Variants in BAG1 observed in about 807,000 individuals in gnomAD.
BAG1 encodes BAG family molecular chaperone regulator 1.
A neutral mutation model predicts 35.5 loss-of-function variants in BAG1; 35 were observed. That is an observed-to-expected ratio of 0.99 (90% CI 0.75 to 1.31). The LOEUF is 1.31. Among genes scored for constraint, BAG1 ranks in the 50% most tolerant of loss-of-function variants. The probability of loss-of-function intolerance (pLI) is 0.00; values close to 1 mark genes in which losing one functional copy is unlikely to be tolerated. For missense variants in BAG1, 464 were observed against 453.6 expected, an observed-to-expected ratio of 1.02 and a Z score of -0.21; for synonymous variants, 191 against 178.9, an observed-to-expected ratio of 1.07 and a Z score of -0.54.
At chr9:33,262,902 C>T in intron 1 of BAG1, 72 bp from the exon 2 acceptor site, 1 of 1,572,500 alleles carries the variant, frequency 6.4e-7, no homozygotes, top group Non-Finnish European at 8.6e-7. Flanking sequence ...CACTTTATCA[C>T]ATTTATTTAC....
chr9:33,264,181 C>G (rs1466498299), intron 1 of BAG1, 43 bp downstream of exon 1: 31 of 1,544,518 alleles, frequency 2.0e-5, no homozygotes, highest in Non-Finnish European at 2.6e-5. Flanking sequence ...CCCCGCCGGG[C>G]TTTCGGGACC....
chr9:33,259,809 C>G, intron 3 of BAG1: 1 of 152,156 alleles, frequency 6.6e-6, no homozygotes, highest in East Asian at 1.9e-4. Flanking sequence ...TGGTTAACAA[C>G]GATGAATACT....
chr9:33,264,682 CTTG>C lies in BAG1; in HGVS notation c.-11_-9del. The C allele has an allele frequency of 7.4e-7, 1 of 1,359,098 alleles. No homozygotes were observed. Among genetic ancestry groups the C allele is most frequent in the Non-Finnish European group, 9.4e-7 (1 of 1,063,176 alleles). 84.2% of individuals were successfully genotyped at this position (1,359,098 alleles called of 1,614,324 possible). A position where few individuals can be genotyped will look rare whatever the true frequency, so the allele number is the denominator to read the frequency against. ...CCCCCCGCGCTGAGCCAGGCCCGCA[CTTG>C]TTGACCGCCCAGCGATGGAAGCTGA... On this transcript the variant is annotated 5_prime_UTR_variant, in exon 1 of 7. Transcript: ENST00000634734.
chr9:33,262,335 T>G, intron 2 of BAG1: 2 of 1,210,898 alleles, frequency 1.7e-6, no homozygotes, highest in Non-Finnish European at 2.1e-6. Context: ...AAACTGTCCT[T>G]TGGCCATAAG....
At chr9:33,256,371 C>A (rs1321418886) in intron 5 of BAG1, among the ~76,000 whole-genome samples, 1 of 152,188 alleles carries the variant, frequency 6.6e-6, no homozygotes, top group African/African-American at 2.4e-5. Context: ...CTATCATCTG[C>A]AAAAGAGTTA....
chr9:33,262,866 C>A (rs764566930), intron 1 of BAG1, 36 bp from the exon 2 acceptor site: 10 of 1,609,760 alleles, frequency 6.2e-6, no homozygotes, highest in Non-Finnish European at 8.5e-6. Flanking sequence ...GAATATGATT[C>A]TTTCACATAC....
chr9:33,262,838 G>T lies in BAG1; in HGVS notation c.452-8C>A. 6.2e-7 allele frequency: 1 copy of T among 1,609,728 alleles called. No homozygotes were observed. The highest frequency in any genetic ancestry group is 8.5e-7 in the Non-Finnish European group (1 of 1,178,674). Reference sequence around the variant, plus strand: ...GGTCGTGCTTCTCATTGCCTGGGGAGAAAGAAAAGCATTTGACGAATATGA... The same window carrying T: ...GGTCGTGCTTCTCATTGCCTGGGGATAAAGAAAAGCATTTGACGAATATGA... On this transcript the variant is annotated splice_polypyrimidine_tract_variant and splice_region_variant and intron_variant, in intron 1 of 6. Coordinates refer to ENST00000634734, the MANE Select transcript of BAG1 (RefSeq NM_004323.6).
intron 1 of BAG1, 60 bp from the exon 2 acceptor site, chr9:33,262,890 G>GAAA (rs1820608078): frequency 6.3e-7 from 1 of 1,592,488 alleles, no homozygotes; most frequent in African/African-American, 1.3e-5. Context: ...AATATAGGAT[G>GAAA]ACACTTTATC....
chr9:33,263,378 T>C (rs1181480848), intron 1 of BAG1, among the ~76,000 whole-genome samples: 1 of 152,234 alleles, frequency 6.6e-6, no homozygotes, highest in African/African-American at 2.4e-5. Context: ...AGTGCATCCA[T>C]GATTTGTGCT....
rs764075558 is a variant in BAG1 at position 33,264,542 on chromosome 9, C to CAGGTGGACGCCG, written c.132_133insCGGCGTCCACCT (p.Ser44_Gly45insArgArgProPro). On this transcript the variant is annotated inframe_insertion, in exon 1 of 7. Transcript: ENST00000634734. ...GCAGTACTCCGGGCAGGTGGACGCCCAGAGGGAGGCGGACCACGCTGGGCC... is the reference window on the plus strand; with the variant it reads ...GCAGTACTCCGGGCAGGTGGACGCCCAGGTGGACGCCGAGAGGGAGGCGGACCACGCTGGGCC... 1.9e-4 allele frequency: 286 copies of CAGGTGGACGCCG among 1,535,040 alleles called. No homozygotes were observed. The highest frequency in any genetic ancestry group is 2.3e-4 in the Non-Finnish European group (267 of 1,147,056).
In BAG1 at chr9:33,262,738, C is replaced by G. The variant is rs1564081772; in HGVS notation, c.544G>C (p.Gly182Arg). 1 of 1,614,146 alleles carries G rather than the reference C, an allele frequency of 6.2e-7. No individual in the cohort carries two copies. The change falls in exon 2 of 7, where the codon GGG becomes CGG. Residue 182 changes from glycine to arginine, a missense_variant. By Grantham distance (125) the Gly-to-Arg change is moderately radical. Transcript: ENST00000634734. ...AGTTTCTGAAAAGACTGTGGAACCC[C>G]TATGACCTCTTCAACAACCTGGGCC... is the stretch of plus-strand genomic sequence containing the variant.
At position 33,264,572 on chromosome 9, in the gene BAG1, G is replaced by A. The variant is rs780278103; in HGVS notation, c.103C>T (p.Pro35Ser). 6 of 1,419,362 alleles carry A rather than the reference G, an allele frequency of 4.2e-6. No homozygotes were observed. Among genetic ancestry groups the A allele is most frequent in the Non-Finnish European group, 4.6e-6 (5 of 1,095,884 alleles). 87.9% of individuals were successfully genotyped at this position (1,419,362 alleles called of 1,614,324 possible). A position where few individuals can be genotyped will look rare whatever the true frequency, so the allele number is the denominator to read the frequency against. Reference sequence around the variant, plus strand: ...GGAGGCGGACCACGCTGGGCCGGGGGCTCCGACTGGCGCGGCTCCCGGCCT... The same window carrying A: ...GGAGGCGGACCACGCTGGGCCGGGGACTCCGACTGGCGCGGCTCCCGGCCT... The change falls in exon 1 of 7, where the codon CCC becomes TCC. Residue 35 changes from proline to serine, a missense_variant. Transcript: ENST00000634734.
At position 33,262,743 on chromosome 9, in the gene BAG1, A is replaced by T. The variant is rs1293472756; in HGVS notation, c.539T>A (p.Val180Asp). ...CTGAAAAGACTGTGGAACCCCTATG[A>T]CCTCTTCAACAACCTGGGCCAGGTC... The change falls in exon 2 of 7, where the codon GTC (valine) becomes GAC (aspartate). Residue 180 changes from valine to aspartate, a missense_variant. By Grantham distance (152) the Val-to-Asp change is radical. Coordinates refer to ENST00000634734, the MANE Select transcript of BAG1 (RefSeq NM_004323.6). 6.2e-7 allele frequency: 1 copy of T among 1,614,014 alleles called. No individual in the cohort carries two copies. The highest frequency in any genetic ancestry group is 8.5e-7 in the Non-Finnish European group (1 of 1,179,978).
intron 2 of BAG1, chr9:33,261,860 T>C: frequency 3.0e-6 from 3 of 984,106 alleles, no homozygotes; most frequent in Non-Finnish European, 3.6e-6. Flanking sequence ...GAAATGAGCA[T>C]CATGCATCCA....
At position 33,264,541 on chromosome 9, in the gene BAG1, C is replaced by CGGG. The variant is rs762678657; in HGVS notation, c.133_134insCCC (p.Gly45delinsAlaArg). 1.9e-4 allele frequency: 286 copies of CGGG among 1,541,948 alleles called. No individual in the cohort carries two copies. Among genetic ancestry groups the CGGG allele is most frequent in the Non-Finnish European group, 2.3e-4 (267 of 1,149,790 alleles). On this transcript the variant is annotated protein_altering_variant, in exon 1 of 7. Coordinates refer to ENST00000634734, the MANE Select transcript of BAG1 (RefSeq NM_004323.6). Reference sequence around the variant, plus strand: ...GGCAGTACTCCGGGCAGGTGGACGCCCAGAGGGAGGCGGACCACGCTGGGC... The same window carrying CGGG: ...GGCAGTACTCCGGGCAGGTGGACGCCGGGCAGAGGGAGGCGGACCACGCTGGGC...
Position 33,262,695 on chromosome 9 carries a change from T to A in BAG1, c.580+7A>T. ...AGAAAAAGAAAGAAAGAAAAAGAAA[T>A]GCTTACCCTTAAATATGAGTTTCTG... On this transcript the variant is annotated splice_region_variant and intron_variant, in intron 2 of 6. Coordinates refer to ENST00000634734, the MANE Select transcript of BAG1 (RefSeq NM_004323.6). 22 of 1,568,462 alleles carry A rather than the reference T, an allele frequency of 1.4e-5. No individual in the cohort carries two copies. Among genetic ancestry groups the A allele is most frequent in the Non-Finnish European group, 1.9e-5 (22 of 1,165,356 alleles).
At chr9:33,258,844 A>G in intron 4 of BAG1, 76 bp downstream of exon 4, 4 of 1,228,974 alleles carry the variant, frequency 3.3e-6, no homozygotes, top group Admixed American at 3.5e-5. Flanking sequence ...ACTGCAGAAC[A>G]TGTCCCCATA....
In BAG1 at chr9:33,258,993, T is replaced by C. The variant is rs760724367; in HGVS notation, c.704A>G (p.His235Arg). 1.2e-6 allele frequency: 2 copies of C among 1,614,216 alleles called. No homozygotes were observed. Among genetic ancestry groups the C allele is most frequent in the South Asian group, 1.1e-5 (1 of 91,084 alleles). ...TATCTTCTCCACAGACTTCTCCAAATGTTTCAACTTCTTTAGTTCAACCTC... is the reference window on the plus strand; with the variant it reads ...TATCTTCTCCACAGACTTCTCCAAACGTTTCAACTTCTTTAGTTCAACCTC... The change falls in exon 4 of 7, where the codon CAT becomes CGT. Residue 235 changes from histidine (H) to arginine (R), a missense_variant. Transcript: ENST00000634734.
rs754920206 is a variant in BAG1 at position 33,264,204 on chromosome 9, A to C, written c.451+20T>G. ...GGCTTTCGGGACCTGCATGGAGCCC[A>C]CCTGGCGCCCGACACTCACTGTGGG... On this transcript the variant is annotated intron_variant, in intron 1 of 6. Coordinates refer to ENST00000634734, the MANE Select transcript of BAG1 (RefSeq NM_004323.6). The C allele has an allele frequency of 4.4e-6, 7 of 1,581,082 alleles. No homozygotes were observed. Among genetic ancestry groups the C allele is most frequent in the Non-Finnish European group, 5.1e-6 (6 of 1,165,818 alleles).
Sources: allele counts gnomAD v4.1 joint callset (sites outside exome capture counted in the v4.1 genomes callset), GRCh38; gene constraint gnomAD v4.1.1; transcripts MANE v1.5; gene names NCBI Gene and HGNC (gene_info 2026-07-23, HGNC 2026-07-21).